NPM1: variants seen among roughly 807,000 people sequenced by gnomAD.
NPM1 encodes the protein nucleophosmin.
Under a neutral mutation model 44.1 loss-of-function variants are expected in NPM1, and 1 was observed. The ratio of observed to expected loss-of-function variants is 0.02; its 90% CI spans 0.01 to 0.11. The LOEUF (loss-of-function observed/expected upper bound fraction) is 0.11. Among genes scored for constraint, NPM1 ranks in the 10% least tolerant of loss-of-function variants. The pLI, the probability that NPM1 is intolerant of heterozygous loss-of-function variation, is 1.00. For synonymous variants in NPM1, 126 were observed against 111.8 expected (o/e 1.13, Z -0.80); for missense variants, 197 against 347.8 (o/e 0.57, Z 3.45).
chr5:171,391,458 A>G, intron 3 of NPM1, 34 bp downstream of exon 3: 1 of 1,603,046 alleles, frequency 6.2e-7, no homozygotes, highest in Non-Finnish European at 8.5e-7. Flanking sequence ...ATGTTGTGTC[A>G]AGGTTTAATT....
At chr5:171,394,055 T>C (rs1770739754) in intron 6 of NPM1, among the ~76,000 whole-genome samples, 1 of 147,840 alleles carries the variant, frequency 6.8e-6, no homozygotes, top group African/African-American at 2.5e-5. Context: ...TTTTTTTTTT[T>C]TTTTTTTGAG....
chr5:171,399,319 T>G (rs1284071409), intron 6 of NPM1, among the ~76,000 whole-genome samples: 1 of 152,192 alleles, frequency 6.6e-6, no homozygotes, highest in African/African-American at 2.4e-5. Flanking sequence ...AGTGGCAGAA[T>G]TACACAGTTA....
chr5:171,407,859 G>A, intron 10 of NPM1, 85 bp downstream of exon 10: 2 of 806,668 alleles, frequency 2.5e-6, no homozygotes, highest in Non-Finnish European at 4.1e-6. Context: ...TTAAGTGTTG[G>A]CTCTTTTTAA....
intron 9 of NPM1, chr5:171,406,854 C>T (rs73803328): frequency 3.4e-6 from 1 of 292,962 alleles, no homozygotes; most frequent in Admixed American, 6.1e-5. Flanking sequence ...CATTTGAAAA[C>T]CTTTTCAATC....
chr5:171,408,679 C>G (rs1439239131), intron 10 of NPM1, among the ~76,000 whole-genome samples: 2 of 152,068 alleles, frequency 1.3e-5, no homozygotes, highest in African/African-American at 4.8e-5. Flanking sequence ...CATTTGAATC[C>G]TAAAGTTTAA....
At chr5:171,391,902 T>A (rs3830033) in intron 4 of NPM1, 103 bp downstream of exon 4, 221,072 of 579,614 alleles carry the variant, frequency 0.38, 44,462 homozygotes, top group East Asian at 0.53. Flanking sequence ...TACTGTCTTT[T>A]TAATAGGTTC....
chr5:171,389,053 A>G (rs1268916487), intron 1 of NPM1, among the ~76,000 whole-genome samples: 1 of 152,198 alleles, frequency 6.6e-6, no homozygotes, highest in African/African-American at 2.4e-5. Context: ...TTTGAGTCAG[A>G]TCAAGACCTA....
chr5:171,405,591 T>C, intron 9 of NPM1, 188 bp downstream of exon 9: 1 of 584,272 alleles, frequency 1.7e-6, no homozygotes. Flanking sequence ...GATTTTTGCA[T>C]ATGCAAAATT....
In NPM1 at chr5:171,387,920, T is replaced by C. The variant is rs772017828; in HGVS notation, c.-29T>C. Reference sequence around the variant, plus strand: ...CGTTCTTTTATCTCCGTCCGCCTTCTCTCCTACCTAAGTGCGTGCCGCCAC... The same window carrying C: ...CGTTCTTTTATCTCCGTCCGCCTTCCCTCCTACCTAAGTGCGTGCCGCCAC... On this transcript the variant is annotated 5_prime_UTR_variant, in exon 1 of 11. Transcript: ENST00000296930. 3 of 1,606,404 alleles carry C rather than the reference T, an allele frequency of 1.9e-6. No homozygotes were observed. The highest frequency in any genetic ancestry group is 4.5e-5 in the East Asian group (2 of 44,848).
At chr5:171,391,252 T>G (rs1581238723) in intron 2 of NPM1, 53 bp from the exon 3 acceptor site, 1 of 1,585,936 alleles carries the variant, frequency 6.3e-7, no homozygotes, top group African/African-American at 1.4e-5. Flanking sequence ...AGTGGGGGGG[T>G]GTAAAATAGG....
In NPM1 at chr5:171,388,869, G is replaced by C. The variant is rs111376766; in HGVS notation, c.58+863G>C. On this transcript the variant is annotated intron_variant, in intron 1 of 10. Coordinates refer to ENST00000296930, the MANE Select transcript of NPM1 (RefSeq NM_002520.7). Reference sequence around the variant, plus strand: ...GAGATAAACTCACTTAACGAAGGTTGTACTTAGTAAAGGCAATAAGAGACT... The same window carrying C: ...GAGATAAACTCACTTAACGAAGGTTCTACTTAGTAAAGGCAATAAGAGACT... Among the ~76,000 whole-genome samples the C allele has an allele frequency of 4.7e-3, 722 of 152,320 alleles. 8 individuals carry two copies. Among genetic ancestry groups the C allele is most frequent in the African/African-American group, 0.017 (694 of 41,564 alleles).
chr5:171,389,511 A>G (rs912341334), intron 1 of NPM1, among the ~76,000 whole-genome samples: 2 of 152,178 alleles, frequency 1.3e-5, no homozygotes, highest in African/African-American at 4.8e-5. Flanking sequence ...CCTTGTCTTA[A>G]ACATAATTTC....
Position 171,392,907 on chromosome 5 carries a change from T to C in NPM1, c.460-7T>C. ...TGTTCATGAGTACGTATCTTTTCTT[T>C]TAAAAGAAAAAAGTAAAACTTGCTG... On this transcript the variant is annotated splice_region_variant and splice_polypyrimidine_tract_variant and intron_variant, in intron 5 of 10. Coordinates refer to ENST00000296930, the MANE Select transcript of NPM1 (RefSeq NM_002520.7). 1.9e-6 allele frequency: 3 copies of C among 1,612,300 alleles called. No individual in the cohort carries two copies. Among genetic ancestry groups the C allele is most frequent in the Non-Finnish European group, 8.5e-7 (1 of 1,178,438 alleles).
intron 1 of NPM1, among the ~76,000 whole-genome samples, chr5:171,389,095 C>T (rs892557798): frequency 2.0e-5 from 3 of 152,166 alleles, no homozygotes; most frequent in South Asian, 2.1e-4. Flanking sequence ...GAGCACCACC[C>T]CCCTCGACTT....
intron 9 of NPM1, chr5:171,406,448 A>T (rs779563631): frequency 1.9e-6 from 3 of 1,611,738 alleles, no homozygotes; most frequent in Admixed American, 3.3e-5. Context: ...AAAGATGGGG[A>T]GAAAGGAAAA....
intron 6 of NPM1, among the ~76,000 whole-genome samples, chr5:171,398,376 T>A (rs1162381036): frequency 6.6e-6 from 1 of 152,186 alleles, no homozygotes; most frequent in Non-Finnish European, 1.5e-5. Context: ...ATGGTGTGAA[T>A]GGAGGGGTCT....
chr5:171,402,203 A>G (rs948882452), intron 8 of NPM1, among the ~76,000 whole-genome samples: 2 of 150,856 alleles, frequency 1.3e-5, no homozygotes, highest in Non-Finnish European at 3.0e-5. Context: ...GGCAAAGGAC[A>G]TAAACAGACA....
In NPM1 at chr5:171,387,935, C is replaced by G. The variant is rs11551571; in HGVS notation, c.-14C>G. On this transcript the variant is annotated 5_prime_UTR_variant, in exon 1 of 11. Coordinates refer to ENST00000296930, the MANE Select transcript of NPM1 (RefSeq NM_002520.7). ...GTCCGCCTTCTCTCCTACCTAAGTGCGTGCCGCCACCCGATGGAAGATTCG... is the reference window on the plus strand; with the variant it reads ...GTCCGCCTTCTCTCCTACCTAAGTGGGTGCCGCCACCCGATGGAAGATTCG... 2.5e-6 allele frequency: 4 copies of G among 1,610,762 alleles called. No homozygotes were observed. Among genetic ancestry groups the G allele is most frequent in the Non-Finnish European group, 3.4e-6 (4 of 1,178,616 alleles).
rs369726433 is a variant in NPM1, at chr5:171,389,739, T to C, written c.59-312T>C. Among the ~76,000 whole-genome samples, 170 of 152,334 alleles carry C rather than the reference T, an allele frequency of 1.1e-3. 4 individuals carry two copies. In the South Asian group the frequency reaches 0.022, roughly 19 times the overall value. On this transcript the variant is annotated intron_variant, in intron 1 of 10. Transcript: ENST00000296930. Reference sequence around the variant, plus strand: ...GGGAAACTTAACATTGGACATTACATTTGGTTTCAGATAATTGCTTCAGGT... The same window carrying C: ...GGGAAACTTAACATTGGACATTACACTTGGTTTCAGATAATTGCTTCAGGT...
Sources: allele counts gnomAD v4.1 joint callset (sites outside exome capture counted in the v4.1 genomes callset), GRCh38; gene constraint gnomAD v4.1.1; transcripts MANE v1.5; gene names NCBI Gene and HGNC (gene_info 2026-07-23, HGNC 2026-07-21).